The following LPP variants were observed in gnomAD, a reference collection of about 807,000 sequenced individuals.
LPP encodes LIM domain containing preferred translocation partner in lipoma.
A neutral mutation model predicts 60.4 loss-of-function variants in LPP; 38 were observed. The observed-to-expected ratio is 0.63, with a 90% CI of 0.49 to 0.83. LPP has a LOEUF of 0.83. Among genes scored for constraint, LPP ranks in the 40% least tolerant of loss-of-function variants. The pLI is 0.00. For missense variants in LPP, 902 were observed against 783.6 expected (o/e 1.15, Z -1.80); for synonymous variants, 328 against 290.8 (o/e 1.13, Z -1.30).
At chr3:188,790,757 G>C (rs551213183) in intron 9 of LPP, among the ~76,000 whole-genome samples, 1 of 151,560 alleles carries the variant, frequency 6.6e-6, no homozygotes, top group African/African-American at 2.4e-5. Context: ...GGAGGTGGAG[G>C]TTGCAGTGAG....
chr3:188,507,503 A>G (rs1037968780), intron 5 of LPP, among the ~76,000 whole-genome samples: 7 of 151,972 alleles, frequency 4.6e-5, no homozygotes, highest in East Asian at 1.9e-4. Flanking sequence ...ATAGTTACTC[A>G]GTGAAATCAC....
At chr3:188,858,236 A>G (rs946455492) in intron 9 of LPP, among the ~76,000 whole-genome samples, 6 of 152,186 alleles carry the variant, frequency 3.9e-5, no homozygotes, top group Non-Finnish European at 8.8e-5. Context: ...AAGGAACTCA[A>G]TTCTTTTCTT....
At position 188,699,592 on chromosome 3, in the gene LPP, G is replaced by T. The variant is rs112364038; in HGVS notation, c.1114-8675G>T. ...CAAACTTTTAAAGTCAAAATTTCTG[G>T]GTCTTCCTCTTTGTGTCCTTAAAAT... On this transcript the variant is annotated intron_variant, in intron 7 of 11. Transcript: ENST00000617246. Among the ~76,000 whole-genome samples the T allele has an allele frequency of 7.1e-3, 1,084 of 152,232 alleles. 14 individuals carry two copies. Among genetic ancestry groups the T allele is most frequent in the African/African-American group, 0.025 (1,039 of 41,538 alleles).
At chr3:188,597,155 T>A (rs1005612747) in intron 6 of LPP, among the ~76,000 whole-genome samples, 1 of 152,184 alleles carries the variant, frequency 6.6e-6, no homozygotes, top group Non-Finnish European at 1.5e-5. Context: ...TTTGGGCAAA[T>A]CTTTCCTGAG....
chr3:188,688,886 G>T (rs1445600462), intron 7 of LPP: 1 of 515,288 alleles, frequency 1.9e-6, no homozygotes, highest in South Asian at 1.5e-5. Context: ...CTGAAAAAGA[G>T]CTTAAATTTC....
At position 188,883,141 on chromosome 3, in the gene LPP, C is replaced by T. The variant is rs1770247456; in HGVS notation, c.*8662C>T. 4.6e-6 allele frequency: 1 copy of T among 219,114 alleles called. No homozygotes were observed. The highest frequency in any genetic ancestry group is 1.8e-4 in the South Asian group (1 of 5,418). The allele number at this position is 219,114 out of a possible 1,614,324, so 13.6% of individuals were successfully genotyped here. ...GGCATATGTTCTCTTTGGTGCCACA[C>T]AAAACCTGTAGTACATGATACAGTG... On this transcript the variant is annotated 3_prime_UTR_variant, in exon 12 of 12. Coordinates refer to ENST00000617246, the MANE Select transcript of LPP (RefSeq NM_001375462.1).
At chr3:188,722,738 A>C (rs1250973363) in intron 8 of LPP, among the ~76,000 whole-genome samples, 1 of 152,236 alleles carries the variant, frequency 6.6e-6, no homozygotes, top group African/African-American at 2.4e-5. Flanking sequence ...TAAAAAGATA[A>C]TTATCCCTAT....
chr3:188,731,182 A>G (rs1720333213), intron 8 of LPP, among the ~76,000 whole-genome samples: 1 of 152,206 alleles, frequency 6.6e-6, no homozygotes, highest in Non-Finnish European at 1.5e-5. Flanking sequence ...TCTTCTAGAC[A>G]TAACAATCCT....
chr3:188,272,460 A>G (rs895049298), intron 2 of LPP, among the ~76,000 whole-genome samples: 1 of 152,142 alleles, frequency 6.6e-6, no homozygotes, highest in Admixed American at 6.5e-5. Flanking sequence ...CTCCTTTCCC[A>G]GTCTAGTTCC....
chr3:188,823,161 C>G (rs1289630127), intron 9 of LPP, among the ~76,000 whole-genome samples: 1 of 152,072 alleles, frequency 6.6e-6, no homozygotes, highest in Non-Finnish European at 1.5e-5. Flanking sequence ...CTTAGCCTTT[C>G]TAGAAGAGAT....
At chr3:188,737,778 G>T (rs111848998) in intron 8 of LPP, among the ~76,000 whole-genome samples, 1,698 of 152,262 alleles carry the variant, frequency 0.011, 36 homozygotes, top group African/African-American at 0.039. Flanking sequence ...GAGAACTGTA[G>T]ATTCTTTAGT....
chr3:188,725,942 C>T (rs534881085), intron 8 of LPP, among the ~76,000 whole-genome samples: 99 of 152,076 alleles, frequency 6.5e-4, no homozygotes, highest in Non-Finnish European at 1.3e-3. Flanking sequence ...GGTATAGAGA[C>T]CAACACCAAA....
intron 8 of LPP, among the ~76,000 whole-genome samples, chr3:188,727,582 A>G (rs531724997): frequency 8.5e-5 from 13 of 152,296 alleles, no homozygotes; most frequent in Non-Finnish European, 1.6e-4. Context: ...AAAATTCTAC[A>G]CCAGAAATAG....
intron 9 of LPP, among the ~76,000 whole-genome samples, chr3:188,775,113 C>T (rs972582043): frequency 2.0e-5 from 3 of 147,864 alleles, no homozygotes; most frequent in Non-Finnish European, 3.0e-5. Context: ...AGTGTAGTGG[C>T]ACAATCTTGG....
intron 3 of LPP, among the ~76,000 whole-genome samples, chr3:188,379,048 G>C (rs1288221833): frequency 6.6e-6 from 1 of 151,854 alleles, no homozygotes; most frequent in Non-Finnish European, 1.5e-5. Flanking sequence ...CTGAAGTCCT[G>C]CCCTCCCCAC....
chr3:188,354,730 T>C (rs116401642), intron 3 of LPP, among the ~76,000 whole-genome samples: 5,592 of 152,322 alleles, frequency 0.037, 148 homozygotes, highest in Non-Finnish European at 0.06. Flanking sequence ...CCCTCATTGA[T>C]ACCCACACTT....
At chr3:188,539,984 T>G (rs1824709471) in intron 6 of LPP, among the ~76,000 whole-genome samples, 1 of 152,128 alleles carries the variant, frequency 6.6e-6, no homozygotes, top group Non-Finnish European at 1.5e-5. Flanking sequence ...AATTGATTAT[T>G]TCTGTGCCTA....
At chr3:188,535,214 G>C (rs3796286) in intron 6 of LPP, among the ~76,000 whole-genome samples, 72,355 of 152,022 alleles carry the variant, frequency 0.48, 18,112 homozygotes, top group East Asian at 0.92. Context: ...GACTGCAGAA[G>C]GGGATCGAAT....
intron 3 of LPP, among the ~76,000 whole-genome samples, chr3:188,403,993 T>C (rs896515183): frequency 6.6e-6 from 1 of 152,176 alleles, no homozygotes; most frequent in Admixed American, 6.5e-5. Context: ...CATCACTGGC[T>C]TCAATAGCAT....
Sources: allele counts gnomAD v4.1 joint callset (sites outside exome capture counted in the v4.1 genomes callset), GRCh38; gene constraint gnomAD v4.1.1; transcripts MANE v1.5; gene names NCBI Gene and HGNC (gene_info 2026-07-23, HGNC 2026-07-21).